Variants in ROBO2 observed in about 807,000 individuals in gnomAD.
ROBO2 encodes roundabout guidance receptor 2, also known as roundabout homolog 2.
ROBO2 carries 53 observed loss-of-function variants against 160.8 expected under a neutral mutation model. The observed-to-expected ratio is 0.33, with a 90% confidence interval of 0.26 to 0.41. The LOEUF (loss-of-function observed/expected upper bound fraction) is 0.41, where lower values mean the gene tolerates loss of function less well. ROBO2 is among the 10% of genes least tolerant of loss of function. ROBO2 has a pLI of 1.00. For missense variants in ROBO2, 1,577 were observed against 1,722.4 expected, an observed-to-expected ratio of 0.92 and a Z score of 1.49; for synonymous variants, 664 against 611.7, an observed-to-expected ratio of 1.09 and a Z score of -1.26.
intron 2 of ROBO2, among the ~76,000 whole-genome samples, chr3:77,264,180 C>T (rs571711854): frequency 2.0e-5 from 3 of 151,988 alleles, no homozygotes; most frequent in African/African-American, 4.8e-5. Flanking sequence ...AAAAAACAGC[C>T]GTGATTTTCT....
intron 2 of ROBO2, among the ~76,000 whole-genome samples, chr3:77,198,200 T>A (rs2082484618): frequency 6.6e-6 from 1 of 152,214 alleles, no homozygotes; most frequent in Non-Finnish European, 1.5e-5. Context: ...GTTACTTACA[T>A]TCTTTATTTA....
At chr3:75,977,174 G>T (rs1246885735) in intron 2 of ROBO2, among the ~76,000 whole-genome samples, 3 of 151,470 alleles carry the variant, frequency 2.0e-5, no homozygotes, top group Non-Finnish European at 4.4e-5. Flanking sequence ...TTAACGAAGG[G>T]AATTCTCACC....
At chr3:76,282,001 C>T (rs1330383914) in intron 2 of ROBO2, among the ~76,000 whole-genome samples, 3 of 151,998 alleles carry the variant, frequency 2.0e-5, no homozygotes. Flanking sequence ...CAAGATAAGA[C>T]TTTAAAGTTA....
chr3:77,504,568 TGAGA>T (rs994267005), intron 5 of ROBO2, among the ~76,000 whole-genome samples: 1 of 152,122 alleles, frequency 6.6e-6, no homozygotes, highest in African/African-American at 2.4e-5. Flanking sequence ...TATTTAAAAG[TGAGA>T]AAGAAAATGC....
chr3:76,443,191 T>A (rs1256815783), intron 2 of ROBO2, among the ~76,000 whole-genome samples: 1 of 151,884 alleles, frequency 6.6e-6, no homozygotes, highest in African/African-American at 2.4e-5. Flanking sequence ...AAGTAAGAAC[T>A]CACTCATTAC....
At position 77,382,459 on chromosome 3, in the gene ROBO2, G is replaced by A. The variant is rs1394920618; in HGVS notation, c.389-94955G>A. Among the ~76,000 whole-genome samples, 22 of 150,164 alleles carry A rather than the reference G, an allele frequency of 1.5e-4. No individual in the cohort carries two copies. The Admixed American group carries it at 1.5e-3, about 10-fold the overall frequency. ...GCTTTTGGGGTACAAGTTGTTTTTG[G>A]TTAAATGGTTGAATTGTGTAGCGGC... On this transcript the variant is annotated intron_variant, in intron 2 of 25. Coordinates refer to ENST00000461745, the Ensembl canonical transcript of ROBO2.
chr3:76,603,176 A>G (rs564305007), intron 2 of ROBO2, among the ~76,000 whole-genome samples: 11 of 150,340 alleles, frequency 7.3e-5, no homozygotes, highest in Middle Eastern at 3.4e-3. Flanking sequence ...CTAAAAATAC[A>G]AAAAAATTAG....
chr3:77,621,355 A>G (rs2094896277), intron 22 of ROBO2, among the ~76,000 whole-genome samples: 1 of 152,056 alleles, frequency 6.6e-6, no homozygotes, highest in African/African-American at 2.4e-5. Flanking sequence ...ACGCCTGGGA[A>G]GTCAGGGCTG....
intron 4 of ROBO2, among the ~76,000 whole-genome samples, chr3:77,485,632 T>A (rs1315951576): frequency 6.6e-6 from 1 of 152,126 alleles, no homozygotes; most frequent in East Asian, 1.9e-4. Flanking sequence ...GTCAAACATG[T>A]TTTCATCAAT....
chr3:77,220,120 C>T (rs751688928), intron 2 of ROBO2, among the ~76,000 whole-genome samples: 98 of 152,146 alleles, frequency 6.4e-4, no homozygotes, highest in Non-Finnish European at 1.2e-3. Flanking sequence ...AAGTGATTCT[C>T]CTGCCTCAGC....
Position 77,373,172 on chromosome 3 carries a change from A to G in ROBO2, c.389-104242A>G, listed in dbSNP as rs940477034. On this transcript the variant is annotated intron_variant, in intron 2 of 25. Transcript: ENST00000461745. ...ATTATAAAATTATTATTAAAATTAT[A>G]TAAAATATTATATTTTAAAATTATT... 3.4e-5 allele frequency among the ~76,000 whole-genome samples: 5 copies of G among 147,446 alleles called. No individual in the cohort carries two copies. The South Asian group carries it at 6.3e-4, about 19-fold the overall frequency.
chr3:76,121,108 T>G (rs2070735696), intron 2 of ROBO2, among the ~76,000 whole-genome samples: 1 of 152,126 alleles, frequency 6.6e-6, no homozygotes, highest in African/African-American at 2.4e-5. Flanking sequence ...AATGAAATTA[T>G]TGGGTCTCTA....
chr3:76,382,504 G>A (rs748992893), intron 2 of ROBO2, among the ~76,000 whole-genome samples: 5 of 152,146 alleles, frequency 3.3e-5, no homozygotes, highest in Admixed American at 6.5e-5. Flanking sequence ...GGAGAATGGC[G>A]TGAACCCGGG....
At chr3:76,009,264 G>A (rs1174074110) in intron 2 of ROBO2, among the ~76,000 whole-genome samples, 2 of 152,016 alleles carry the variant, frequency 1.3e-5, no homozygotes, top group South Asian at 2.1e-4. Context: ...TACCACGCCC[G>A]GATAATTTTT....
At chr3:76,096,465 A>G (rs374285289) in intron 2 of ROBO2, among the ~76,000 whole-genome samples, 23 of 152,202 alleles carry the variant, frequency 1.5e-4, no homozygotes, top group African/African-American at 5.1e-4. Context: ...CTCCAATTCA[A>G]AGGTAAGTAA....
chr3:76,402,598 AG>A (rs1026964584), intron 2 of ROBO2, among the ~76,000 whole-genome samples: 8 of 151,558 alleles, frequency 5.3e-5, no homozygotes, highest in Admixed American at 2.0e-4. Flanking sequence ...GGAGGGTCTA[AG>A]GAAGAACCCG....
chr3:76,516,639 AT>A (rs5850257), intron 2 of ROBO2, among the ~76,000 whole-genome samples: 45,652 of 151,948 alleles, frequency 0.3, 8,491 homozygotes, highest in Non-Finnish European at 0.41. Flanking sequence ...AGGAAAATGA[AT>A]TCTTTAAGGA....
chr3:76,894,162 C>T lies in ROBO2; in HGVS notation c.110-203852C>T, dbSNP rs139913856. 8.6e-3 allele frequency among the ~76,000 whole-genome samples: 1,316 copies of T among 152,208 alleles called. 15 individuals carry two copies. Among genetic ancestry groups the T allele is most frequent in the African/African-American group, 0.029 (1,214 of 41,552 alleles). On this transcript the variant is annotated intron_variant, in intron 2 of 26. Transcript: ENST00000487694. Reference sequence around the variant, plus strand: ...AAAAAAAATCTTTTTTCCTGCTTCACTAAACCTATTACCAATACTTGCATT... The same window carrying T: ...AAAAAAAATCTTTTTTCCTGCTTCATTAAACCTATTACCAATACTTGCATT...
chr3:76,175,741 A>G (rs1254461206), intron 2 of ROBO2, among the ~76,000 whole-genome samples: 2 of 152,110 alleles, frequency 1.3e-5, no homozygotes, highest in Non-Finnish European at 2.9e-5. Context: ...GTCTGTATTT[A>G]TTGAAAACTT....
Sources: allele counts gnomAD v4.1 joint callset (sites outside exome capture counted in the v4.1 genomes callset), GRCh38; gene constraint gnomAD v4.1.1; transcripts MANE v1.5; gene names NCBI Gene and HGNC (gene_info 2026-07-23, HGNC 2026-07-21).